MYO1D: variants seen among roughly 807,000 people sequenced by gnomAD.
MYO1D encodes unconventional myosin-Id.
MYO1D carries 83 observed loss-of-function variants against 122.0 expected under a neutral mutation model. The ratio of observed to expected loss-of-function variants is 0.68; its 90% CI spans 0.57 to 0.82. The LOEUF (loss-of-function observed/expected upper bound fraction) is 0.82. MYO1D is among the 40% of genes least tolerant of loss of function. MYO1D has a pLI of 0.00. For synonymous variants in MYO1D, 464 were observed against 446.9 expected (o/e 1.04, Z -0.48); for missense variants, 1,157 against 1,269.5 (o/e 0.91, Z 1.35).
At chr17:32,681,167 G>A (rs1055393649) in intron 16 of MYO1D, among the ~76,000 whole-genome samples, 1 of 151,732 alleles carries the variant, frequency 6.6e-6, no homozygotes, top group Non-Finnish European at 1.5e-5. Context: ...TCTTGCTAGT[G>A]GTCTATCAAT....
intron 20 of MYO1D, among the ~76,000 whole-genome samples, chr17:32,626,857 C>A (rs2087934335): frequency 6.6e-6 from 1 of 151,976 alleles, no homozygotes; most frequent in African/African-American, 2.4e-5. Context: ...TTTAAAACGA[C>A]GTGGCTCACT....
chr17:32,792,351 A>G (rs778036123), intron 1 of MYO1D: 1 of 152,212 alleles, frequency 6.6e-6, no homozygotes, highest in African/African-American at 2.4e-5. Context: ...TAAACCAACG[A>G]TACTGGCCTA....
chr17:32,682,577 G>T lies in MYO1D; in HGVS notation c.2122-23239C>A, dbSNP rs560102490. Reference sequence around the variant, plus strand: ...TTTTTTTTAAGAATGTTGAATATTGGCCCCCACTCTCTTCTGGCTTGTAGG... The same window carrying T: ...TTTTTTTTAAGAATGTTGAATATTGTCCCCCACTCTCTTCTGGCTTGTAGG... On this transcript the variant is annotated intron_variant, in intron 16 of 21. Coordinates refer to ENST00000318217, the MANE Select transcript of MYO1D (RefSeq NM_015194.3). 4.0e-5 allele frequency among the ~76,000 whole-genome samples: 6 copies of T among 149,428 alleles called. No individual in the cohort carries two copies. The South Asian group carries it at 1.3e-3, about 32-fold the overall frequency.
chr17:32,712,278 C>T, intron 15 of MYO1D, 83 bp from the exon 16 acceptor site: 2 of 1,293,772 alleles, frequency 1.5e-6, no homozygotes, highest in South Asian at 1.3e-5. Flanking sequence ...ATGCAAGACA[C>T]CTCATAGAAA....
chr17:32,815,060 G>A (rs929228712), intron 1 of MYO1D, among the ~76,000 whole-genome samples: 1 of 152,180 alleles, frequency 6.6e-6, no homozygotes, highest in Admixed American at 6.5e-5. Context: ...TAACTGCAAG[G>A]GAGGATGTGC....
At chr17:32,808,217 A>G (rs2090536227) in intron 1 of MYO1D, among the ~76,000 whole-genome samples, 1 of 152,016 alleles carries the variant, frequency 6.6e-6, no homozygotes, top group Non-Finnish European at 1.5e-5. Flanking sequence ...CCGCAAAAAA[A>G]TTTAAAAATT....
intron 17 of MYO1D, chr17:32,658,902 C>T: frequency 1.8e-6 from 1 of 568,286 alleles, no homozygotes; most frequent in Non-Finnish European, 3.1e-6. Context: ...TTGCTGTCAG[C>T]TGCTACAGGA....
chr17:32,789,013 G>GT (rs59502226), intron 1 of MYO1D, among the ~76,000 whole-genome samples: 66,492 of 151,618 alleles, frequency 0.44, 15,113 homozygotes, highest in East Asian at 0.73. Flanking sequence ...GTTTTGTTTT[G>GT]TTTTTTTAGC....
intron 16 of MYO1D, among the ~76,000 whole-genome samples, chr17:32,688,849 A>G (rs1259892401): frequency 6.6e-6 from 1 of 152,098 alleles, no homozygotes; most frequent in Non-Finnish European, 1.5e-5. Context: ...TACCACAACC[A>G]TCACCACGGT....
intron 1 of MYO1D, among the ~76,000 whole-genome samples, chr17:32,825,464 G>A (rs187778117): frequency 6.6e-6 from 1 of 151,998 alleles, no homozygotes; most frequent in East Asian, 1.9e-4. Flanking sequence ...GCTAATTTTT[G>A]TATTTTTTTG....
chr17:32,567,326 T>A (rs2087183262), intron 21 of MYO1D, among the ~76,000 whole-genome samples: 1 of 152,196 alleles, frequency 6.6e-6, no homozygotes, highest in Non-Finnish European at 1.5e-5. Context: ...TGAATGTATT[T>A]AAACAGAACC....
At chr17:32,690,198 T>C (rs1239604969) in intron 16 of MYO1D, among the ~76,000 whole-genome samples, 1 of 151,782 alleles carries the variant, frequency 6.6e-6, no homozygotes, top group Non-Finnish European at 1.5e-5. Context: ...TTTTTTTTTT[T>C]TTGAGATGGA....
intron 21 of MYO1D, among the ~76,000 whole-genome samples, chr17:32,597,376 T>TTATACATAATCATATGTGTG (rs959186320): frequency 3.3e-5 from 5 of 152,274 alleles, no homozygotes; most frequent in Non-Finnish European, 7.4e-5. Context: ...ATAGCCTGTA[T>TTATACATAATCATATGTGTG]TATACATAAT....
chr17:32,558,844 G>A (rs995421119), intron 21 of MYO1D, among the ~76,000 whole-genome samples: 9 of 152,170 alleles, frequency 5.9e-5, no homozygotes, highest in African/African-American at 2.2e-4. Flanking sequence ...TCTGAGCTCT[G>A]GTCCATTACT....
At chr17:32,863,791 T>C (rs1468757779) in intron 1 of MYO1D, among the ~76,000 whole-genome samples, 1 of 152,142 alleles carries the variant, frequency 6.6e-6, no homozygotes. Context: ...ACCCAGCTAT[T>C]ATCTCATTTG....
At chr17:32,646,687 G>A (rs1206533112) in intron 19 of MYO1D, among the ~76,000 whole-genome samples, 1 of 152,100 alleles carries the variant, frequency 6.6e-6, no homozygotes, top group Non-Finnish European at 1.5e-5. Flanking sequence ...GCAATTGTAT[G>A]AAAACACTGT....
intron 19 of MYO1D, among the ~76,000 whole-genome samples, chr17:32,651,680 T>C (rs1281539071): frequency 1.3e-5 from 2 of 150,884 alleles, no homozygotes; most frequent in Admixed American, 1.3e-4. Flanking sequence ...CCCACTTTTT[T>C]TTTTTTTTTT....
At chr17:32,597,868 CA>C (rs755415435) in intron 21 of MYO1D, among the ~76,000 whole-genome samples, 13,188 of 62,964 alleles carry the variant, frequency 0.21, 402 homozygotes, top group African/African-American at 0.26. Flanking sequence ...AACCCTGTCT[CA>C]AAAAAAAAAA....
chr17:32,633,290 C>T (rs2088048131), intron 20 of MYO1D, among the ~76,000 whole-genome samples: 1 of 152,006 alleles, frequency 6.6e-6, no homozygotes, highest in Admixed American at 6.5e-5. Context: ...ATAAGAGAGA[C>T]AGACCTACAG....
Sources: gnomAD v4.1 joint callset for allele counts (sites outside exome capture counted in the v4.1 genomes callset) on GRCh38, gnomAD v4.1.1 for gene constraint, MANE v1.5 for transcripts, NCBI Gene and HGNC (gene_info 2026-07-23, HGNC 2026-07-21) for gene names.